LDLRAD4: variants seen among roughly 807,000 people sequenced by gnomAD.
LDLRAD4 encodes the protein low-density lipoprotein receptor class A domain-containing protein 4.
A neutral mutation model predicts 17.0 loss-of-function variants in LDLRAD4; 5 were observed. That is an observed-to-expected ratio of 0.29 (90% confidence interval 0.15 to 0.62). LDLRAD4 has a LOEUF of 0.62. LDLRAD4 is among the 20% of genes least tolerant of loss of function. LDLRAD4 has a pLI of 0.84. For missense variants in LDLRAD4, 340 were observed against 424.7 expected (o/e 0.80, Z 1.75); for synonymous variants, 168 against 171.8 (o/e 0.98, Z 0.17).
At chr18:13,299,000 A>G (rs1414522748) in intron 1 of LDLRAD4, among the ~76,000 whole-genome samples, 1 of 152,230 alleles carries the variant, frequency 6.6e-6, no homozygotes, top group Non-Finnish European at 1.5e-5. Flanking sequence ...ACTTAGAGTC[A>G]TGATTTTACG....
intron 1 of LDLRAD4, among the ~76,000 whole-genome samples, chr18:13,253,634 G>A (rs1230681754): frequency 6.6e-6 from 1 of 152,200 alleles, no homozygotes; most frequent in Non-Finnish European, 1.5e-5. Context: ...GAAGTGGGGG[G>A]AGGAAGGAAT....
At chr18:13,351,142 A>G (rs1047390469) in intron 1 of LDLRAD4, among the ~76,000 whole-genome samples, 3 of 152,198 alleles carry the variant, frequency 2.0e-5, no homozygotes, top group Non-Finnish European at 4.4e-5. Context: ...TGAAATTTAA[A>G]GTAGTTTTTT....
rs1188705461 is a variant in LDLRAD4, at chr18:13,473,657, AT to A, written c.181+35274del. Among the ~76,000 whole-genome samples, 40 of 103,502 alleles carry A rather than the reference AT, an allele frequency of 3.9e-4. 1 individual carries two copies. Among genetic ancestry groups the A allele is most frequent in the Non-Finnish European group, 6.2e-4 (32 of 51,246 alleles). The allele number at this position is 103,502 out of a possible 152,430, so 67.9% of individuals were successfully genotyped here. On this transcript the variant is annotated intron_variant, in intron 3 of 5. Coordinates refer to ENST00000359446, the Ensembl canonical transcript of LDLRAD4. ...ATCTCATATATATATATATATATAT[AT>A]ATATATATATATATATATATAACGT...
intron 3 of LDLRAD4, among the ~76,000 whole-genome samples, chr18:13,566,756 G>GA (rs1270561279): frequency 1.3e-5 from 2 of 152,146 alleles, no homozygotes; most frequent in African/African-American, 4.8e-5. Flanking sequence ...CTTTATCCTT[G>GA]ACACATGGGT....
At chr18:13,466,273 C>T (rs922031777) in intron 3 of LDLRAD4, among the ~76,000 whole-genome samples, 1 of 152,018 alleles carries the variant, frequency 6.6e-6, no homozygotes, top group Non-Finnish European at 1.5e-5. Flanking sequence ...GAGTTCAAGA[C>T]TAACCTGGGC....
intron 1 of LDLRAD4, among the ~76,000 whole-genome samples, chr18:13,305,841 A>G (rs542396003): frequency 6.6e-6 from 1 of 152,366 alleles, no homozygotes; most frequent in African/African-American, 2.4e-5. Flanking sequence ...CTTGTATTGA[A>G]AATGCAGCTT....
intron 2 of LDLRAD4, among the ~76,000 whole-genome samples, chr18:13,388,531 A>C: frequency 6.7e-6 from 1 of 149,020 alleles, no homozygotes; most frequent in Admixed American, 6.7e-5. Flanking sequence ...TTTAAGAGAA[A>C]GATGGTAGAA....
intron 1 of LDLRAD4, among the ~76,000 whole-genome samples, chr18:13,377,236 T>A (rs1245717905): frequency 6.6e-6 from 1 of 152,250 alleles, no homozygotes; most frequent in African/African-American, 2.4e-5. Context: ...TTTTGCATTC[T>A]GTCCTTCAGA....
At chr18:13,358,775 A>G (rs1238938974) in intron 1 of LDLRAD4, among the ~76,000 whole-genome samples, 2 of 152,302 alleles carry the variant, frequency 1.3e-5, no homozygotes, top group East Asian at 1.9e-4. Context: ...TTGGCTTACC[A>G]TATTTCCAGC....
intron 3 of LDLRAD4, among the ~76,000 whole-genome samples, chr18:13,463,201 T>C (rs981826641): frequency 6.6e-6 from 1 of 152,202 alleles, no homozygotes; most frequent in African/African-American, 2.4e-5. Context: ...CCCCCTGGAC[T>C]CCTAAAGGTT....
intron 4 of LDLRAD4, among the ~76,000 whole-genome samples, chr18:13,630,029 G>A (rs1443896002): frequency 6.6e-6 from 1 of 152,188 alleles, no homozygotes; most frequent in Non-Finnish European, 1.5e-5. Flanking sequence ...CCTGCTGCCT[G>A]GAACTTTCTC....
At chr18:13,227,168 C>G (rs561253537) in intron 1 of LDLRAD4, among the ~76,000 whole-genome samples, 1 of 152,204 alleles carries the variant, frequency 6.6e-6, no homozygotes, top group African/African-American at 2.4e-5. Flanking sequence ...TTTCTGCTTT[C>G]CTCCAAGGCA....
chr18:13,431,621 C>G (rs1446446673), intron 2 of LDLRAD4, among the ~76,000 whole-genome samples: 4 of 152,174 alleles, frequency 2.6e-5, no homozygotes, highest in Admixed American at 2.0e-4. Context: ...AATTTGAGAC[C>G]CATTAAAATC....
intron 2 of LDLRAD4, among the ~76,000 whole-genome samples, chr18:13,389,363 G>A (rs1241476229): frequency 6.6e-6 from 1 of 151,736 alleles, no homozygotes; most frequent in Non-Finnish European, 1.5e-5. Context: ...CAGCTCCCTC[G>A]TGGATACCCC....
chr18:13,228,867 A>G (rs2041935347), intron 1 of LDLRAD4, among the ~76,000 whole-genome samples: 1 of 152,222 alleles, frequency 6.6e-6, no homozygotes, highest in Non-Finnish European at 1.5e-5. Flanking sequence ...ACAACTAGCT[A>G]TATGTAGTAA....
chr18:13,529,589 C>T (rs2094095678), intron 3 of LDLRAD4, among the ~76,000 whole-genome samples: 1 of 152,164 alleles, frequency 6.6e-6, no homozygotes, highest in Admixed American at 6.5e-5. Context: ...TATCAAGTGA[C>T]TTTGTGAAGT....
At chr18:13,416,602 G>A (rs1416804531) in intron 2 of LDLRAD4, among the ~76,000 whole-genome samples, 1 of 152,138 alleles carries the variant, frequency 6.6e-6, no homozygotes, top group Non-Finnish European at 1.5e-5. Flanking sequence ...GTGTTTCTTG[G>A]TATGATGCTG....
At chr18:13,322,305 TTTTTTTG>T (rs1388634527) in intron 1 of LDLRAD4, among the ~76,000 whole-genome samples, 22 of 145,108 alleles carry the variant, frequency 1.5e-4, no homozygotes, top group Admixed American at 1.0e-3. Flanking sequence ...TTTTTTTTTT[TTTTTTTG>T]GTTTTGAGAC....
In LDLRAD4 at chr18:13,635,728, C is replaced by G. The variant is rs573134928; in HGVS notation, c.337-7631C>G. On this transcript the variant is annotated intron_variant, in intron 4 of 5. Transcript: ENST00000359446. The stretch of plus-strand genomic sequence containing the variant: ...TGCAAGATTTGGAACCGTTCTGCGT[C>G]CCTTTTCCATAGATATAGGAATAAT... 1.2e-3 allele frequency among the ~76,000 whole-genome samples: 186 copies of G among 152,332 alleles called. 1 individual carries two copies. Among genetic ancestry groups the G allele is most frequent in the Admixed American group, 2.6e-3 (40 of 15,308 alleles).
Sources: gnomAD v4.1 joint callset for allele counts (sites outside exome capture counted in the v4.1 genomes callset) on GRCh38, gnomAD v4.1.1 for gene constraint, MANE v1.5 for transcripts, NCBI Gene and HGNC (gene_info 2026-07-23, HGNC 2026-07-21) for gene names.